The following TTC29 variants were observed in gnomAD, a reference collection of about 807,000 sequenced individuals.
TTC29 encodes the protein tetratricopeptide repeat domain 29.
In TTC29, 49 loss-of-function variants were observed where a neutral mutation model predicts 58.1. That is an observed-to-expected ratio of 0.84 (90% CI 0.67 to 1.07). The LOEUF (loss-of-function observed/expected upper bound fraction) is 1.07, where lower values mean the gene tolerates loss of function less well. Ranked by LOEUF, TTC29 falls within the 50% of genes least tolerant of loss-of-function variation. The pLI, the probability that TTC29 is intolerant of heterozygous loss-of-function variation, is 0.00. For synonymous variants in TTC29, 209 were observed against 196.8 expected (o/e 1.06, Z -0.52); for missense variants, 582 against 555.6 (o/e 1.05, Z -0.48).
At chr4:146,926,100 T>A (rs563445668) in intron 4 of TTC29, among the ~76,000 whole-genome samples, 1 of 152,194 alleles carries the variant, frequency 6.6e-6, no homozygotes, top group African/African-American at 2.4e-5. Flanking sequence ...CCTGTTACTA[T>A]CTTGTTTGAA....
intron 7 of TTC29, 133 bp from the exon 8 acceptor site, chr4:146,867,716 T>C (rs543358463): frequency 8.6e-6 from 4 of 466,698 alleles, no homozygotes; most frequent in South Asian, 9.0e-5. Flanking sequence ...CCCCAAAACC[T>C]AGCTATATAC....
intron 8 of TTC29, among the ~76,000 whole-genome samples, chr4:146,840,871 C>G (rs1728811466): frequency 1.3e-5 from 2 of 151,970 alleles, no homozygotes; most frequent in Admixed American, 1.3e-4. Flanking sequence ...ATAAATGATA[C>G]AATGAGAAAG....
At chr4:146,842,580 A>C (rs1265100089) in intron 8 of TTC29, among the ~76,000 whole-genome samples, 1 of 152,132 alleles carries the variant, frequency 6.6e-6, no homozygotes, top group Admixed American at 6.6e-5. Context: ...CTAGATCAAA[A>C]ATTGTCTATA....
At chr4:146,918,972 C>G (rs1054497413) in intron 4 of TTC29, among the ~76,000 whole-genome samples, 1 of 151,056 alleles carries the variant, frequency 6.6e-6, no homozygotes, top group African/African-American at 2.4e-5. Context: ...TTAATGAAAA[C>G]TTCTCTAGTA....
chr4:146,877,444 T>C (rs371090135), intron 6 of TTC29, among the ~76,000 whole-genome samples: 8 of 152,290 alleles, frequency 5.3e-5, no homozygotes, highest in African/African-American at 1.9e-4. Context: ...CTAATCTATC[T>C]TTACTTTTAG....
chr4:146,820,577 G>A (rs1751747173), intron 9 of TTC29, among the ~76,000 whole-genome samples: 1 of 152,052 alleles, frequency 6.6e-6, no homozygotes, highest in Admixed American at 6.5e-5. Context: ...ATACCCAAGT[G>A]AAGCAAAAAT....
intron 2 of TTC29, among the ~76,000 whole-genome samples, chr4:146,940,903 A>T (rs746506363): frequency 2.6e-4 from 39 of 152,248 alleles, no homozygotes; most frequent in Non-Finnish European, 2.5e-4. Context: ...GATTCAAGGC[A>T]AATGAATACA....
At chr4:146,794,791 T>G (rs1368863061) in intron 11 of TTC29, among the ~76,000 whole-genome samples, 1 of 152,144 alleles carries the variant, frequency 6.6e-6, no homozygotes, top group Non-Finnish European at 1.5e-5. Context: ...CACAGCCTTT[T>G]TTTAAAAAAA....
chr4:146,728,785 G>A (rs1292710916), intron 11 of TTC29, among the ~76,000 whole-genome samples: 80 of 119,248 alleles, frequency 6.7e-4, no homozygotes, highest in African/African-American at 2.4e-3. Context: ...ATATATATGT[G>A]TATATATACG....
intron 9 of TTC29, among the ~76,000 whole-genome samples, chr4:146,827,240 G>A (rs1727871269): frequency 6.6e-6 from 1 of 152,102 alleles, no homozygotes; most frequent in South Asian, 2.1e-4. Flanking sequence ...GGTCCTGCCT[G>A]CCTTCTAGTC....
At chr4:146,912,843 A>C (rs1733983295) in intron 4 of TTC29, among the ~76,000 whole-genome samples, 1 of 152,112 alleles carries the variant, frequency 6.6e-6, no homozygotes, top group Non-Finnish European at 1.5e-5. Context: ...GGTGATTTCA[A>C]AACATTTTAA....
chr4:146,873,951 A>G (rs1731093262), intron 7 of TTC29, among the ~76,000 whole-genome samples: 1 of 152,164 alleles, frequency 6.6e-6, no homozygotes. Context: ...TCCTTCCTGA[A>G]AAGGCTACTC....
intron 11 of TTC29, among the ~76,000 whole-genome samples, chr4:146,708,340 A>ATATATATATATATATACATG (rs1561046993): frequency 9.9e-5 from 4 of 40,450 alleles, no homozygotes; most frequent in African/African-American, 1.9e-4. Context: ...ATATATATAT[A>ATATATATATATATATACATG]TATATATATA....
rs531011852 is a variant in TTC29 at position 146,846,122 on chromosome 4, A to G, written c.886-12225T>C. Among the ~76,000 whole-genome samples the G allele has an allele frequency of 7.2e-5, 11 of 152,212 alleles. 1 individual carries two copies. Among genetic ancestry groups the G allele is most frequent in the African/African-American group, 2.6e-4 (11 of 41,530 alleles). On this transcript the variant is annotated intron_variant, in intron 8 of 12. Transcript: ENST00000325106. ...GCATTCTACCGCATTCAATAAGAGA[A>G]AAAAAAATGACAGTTTATACCTATG...
chr4:146,751,054 G>T (rs944426907), intron 11 of TTC29, among the ~76,000 whole-genome samples: 9 of 152,106 alleles, frequency 5.9e-5, no homozygotes, highest in Non-Finnish European at 1.3e-4. Context: ...AAAAAGAGCA[G>T]GAGTGACTAC....
intron 4 of TTC29, among the ~76,000 whole-genome samples, chr4:146,911,672 T>C (rs1350766624): frequency 6.6e-6 from 1 of 152,196 alleles, no homozygotes; most frequent in Non-Finnish European, 1.5e-5. Flanking sequence ...TTCTGGTCCC[T>C]TACTGGTTGC....
At chr4:146,921,435 AATAG>A (rs1734571966) in intron 4 of TTC29, among the ~76,000 whole-genome samples, 1 of 151,418 alleles carries the variant, frequency 6.6e-6, no homozygotes, top group African/African-American at 2.4e-5. Context: ...AAAAGTATAA[AATAG>A]ATTAGTAGGC....
intron 9 of TTC29, among the ~76,000 whole-genome samples, chr4:146,821,299 G>A (rs980566688): frequency 4.1e-4 from 62 of 152,140 alleles, no homozygotes; most frequent in Non-Finnish European, 1.0e-4. Flanking sequence ...TCAACCCCAT[G>A]AGTACACTAA....
chr4:146,892,484 C>G (rs377164172), intron 6 of TTC29, among the ~76,000 whole-genome samples: 1 of 152,148 alleles, frequency 6.6e-6, no homozygotes, highest in Admixed American at 6.6e-5. Context: ...AATTCAACAA[C>G]GCTTCATGCT....
Sources: allele counts gnomAD v4.1 joint callset (sites outside exome capture counted in the v4.1 genomes callset), GRCh38; gene constraint gnomAD v4.1.1; transcripts MANE v1.5; gene names NCBI Gene and HGNC (gene_info 2026-07-23, HGNC 2026-07-21).